The following SYNPO2L variants were observed in gnomAD, a reference collection of about 807,000 sequenced individuals.
The protein encoded by SYNPO2L is synaptopodin 2 like.
Under a neutral mutation model 47.5 loss-of-function variants are expected in SYNPO2L, and 34 were observed. The ratio of observed to expected loss-of-function variants is 0.72; its 90% confidence interval spans 0.54 to 0.95. SYNPO2L has a LOEUF of 0.95. SYNPO2L is among the 40% of genes least tolerant of loss of function. The pLI is 0.00. For synonymous variants in SYNPO2L, 536 were observed against 524.9 expected, an observed-to-expected ratio of 1.02 and a Z score of -0.29; for missense variants, 1,246 against 1,282.0, an observed-to-expected ratio of 0.97 and a Z score of 0.43.
In SYNPO2L at chr10:73,645,238, C is replaced by T; in HGVS notation, c.*1480G>A. 9.0e-7 allele frequency: 1 copy of T among 1,106,134 alleles called. No homozygotes were observed. Among genetic ancestry groups the T allele is most frequent in the South Asian group, 2.2e-5 (1 of 44,732 alleles). The allele number at this position is 1,106,134 out of a possible 1,614,324, so 68.5% of individuals were successfully genotyped here. ...ACTCAGCACACACCCTCACACCTCC[C>T]TTCCACCATCATTCCCTTCCATTCT... On this transcript the variant is annotated 3_prime_UTR_variant, in exon 4 of 4. Coordinates refer to ENST00000394810, the MANE Select transcript of SYNPO2L (RefSeq NM_001114133.3).
chr10:73,651,300 A>C (rs2132421835), intron 3 of SYNPO2L, among the ~76,000 whole-genome samples: 1 of 152,034 alleles, frequency 6.6e-6, no homozygotes, highest in East Asian at 1.9e-4. Context: ...AGGGAGGGGG[A>C]GATAAGTGGA....
chr10:73,652,396 T>C (rs1417214465), intron 3 of SYNPO2L, among the ~76,000 whole-genome samples: 3 of 151,776 alleles, frequency 2.0e-5, no homozygotes, highest in African/African-American at 4.8e-5. Context: ...CTGCCGGGCA[T>C]GGTGGCTCAC....
rs748090601 is a variant in SYNPO2L at position 73,653,389 on chromosome 10, C to T, written c.522G>A (p.Glu174=). Reference sequence around the variant, plus strand: ...CTGCAGGGCTGTCAGACAGGTAGACCTCATCAGGTGGGGCACCCGGAGGGG... The same window carrying T: ...CTGCAGGGCTGTCAGACAGGTAGACTTCATCAGGTGGGGCACCCGGAGGGG... ...RPTPPGAPPD[E]VYLSDSPAEP... is the part of the protein sequence containing the mutation. Residue 174 remains glutamate (E), a synonymous_variant, in exon 3 of 4, where the codon GAG becomes GAA. Transcript: ENST00000394810. 3.2e-6 allele frequency: 5 copies of T among 1,551,418 alleles called. No homozygotes were observed. Among genetic ancestry groups the T allele is most frequent in the African/African-American group, 2.7e-5 (2 of 73,044 alleles).
intron 3 of SYNPO2L, chr10:73,650,034 G>A (rs2081827146): frequency 4.1e-6 from 4 of 985,306 alleles, no homozygotes; most frequent in Non-Finnish European, 4.8e-6. Flanking sequence ...TGTGCTAAAG[G>A]GAACCAGGGC....
At position 73,647,897 on chromosome 10, in the gene SYNPO2L, A is replaced by G. The variant is rs1329508451; in HGVS notation, c.1755T>C (p.Ser585=). ...GGCGCGCAGAGGGTCGCAAAGGCGCAGATAGGAAGATAGAAGCGGTGGAGG... is the reference window on the plus strand; with the variant it reads ...GGCGCGCAGAGGGTCGCAAAGGCGCGGATAGGAAGATAGAAGCGGTGGAGG... ...AMTSTASIFL[S]APLRPSARPE... Residue 585 remains serine, a synonymous_variant, in exon 4 of 4, where the codon TCT becomes TCC. Coordinates refer to ENST00000394810, the MANE Select transcript of SYNPO2L (RefSeq NM_001114133.3). 6.5e-7 allele frequency: 1 copy of G among 1,529,046 alleles called. No individual in the cohort carries two copies. Among genetic ancestry groups the G allele is most frequent in the East Asian group, 2.3e-5 (1 of 44,160 alleles). 94.7% of individuals were successfully genotyped at this position (1,529,046 alleles called of 1,614,324 possible).
At position 73,647,429 on chromosome 10, in the gene SYNPO2L, C is replaced by G. The variant is rs1188675740; in HGVS notation, c.2223G>C (p.Gly741=). The change falls in exon 4 of 4, where the codon GGG becomes GGC. Residue 741 remains glycine (G), a synonymous_variant. Coordinates refer to ENST00000394810, the MANE Select transcript of SYNPO2L (RefSeq NM_001114133.3). ...CAGGGATTCCAGCCGAAGAGGCTGCCCCATTCACGAGCCCATCAAGGAGCC... is the reference window on the plus strand; with the variant it reads ...CAGGGATTCCAGCCGAAGAGGCTGCGCCATTCACGAGCCCATCAAGGAGCC... ...SRGLLDGLVN[G]AASSAGIPEP... is the part of the protein sequence containing the mutation. 6 of 1,610,630 alleles carry G rather than the reference C, an allele frequency of 3.7e-6. No individual in the cohort carries two copies. Among genetic ancestry groups the G allele is most frequent in the Non-Finnish European group, 5.1e-6 (6 of 1,177,498 alleles).
Position 73,655,862 on chromosome 10 carries a change from G to T in SYNPO2L, c.61C>A (p.Leu21Ile). ...TTCCTCTGCTCGGCCCCCCCATGAA[G>T]TCGGAAGCCCCAGGGGGCTCCCCCT... is the stretch of plus-strand genomic sequence containing the variant. ...LSGGAPWGFR[L>I]HGGAEQRKPL... The change falls in exon 1 of 4, where the codon CTT (leucine) becomes ATT (isoleucine). Residue 21 changes from leucine (L) to isoleucine (I), a missense_variant. This residue lies in a region of SYNPO2L where 61 missense variants were observed against 55.6 expected (regional missense o/e 1.10). Transcript: ENST00000394810. The T allele has an allele frequency of 2.6e-6, 4 of 1,551,160 alleles. No homozygotes were observed. The South Asian group carries it at 3.6e-5, about 14-fold the overall frequency.
At position 73,648,285 on chromosome 10, in the gene SYNPO2L, G is replaced by T; in HGVS notation, c.1367C>A (p.Ala456Asp). The T allele has an allele frequency of 1.2e-6, 2 of 1,602,180 alleles. No individual in the cohort carries two copies. Among genetic ancestry groups the T allele is most frequent in the Non-Finnish European group, 1.7e-6 (2 of 1,178,928 alleles). Reference protein sequence around the residue: ...SPRPFQPGGGAPTPAPSIFNR... With the variant: ...SPRPFQPGGGDPTPAPSIFNR... ...AAAGATGCTTGGAGCTGGGGTCGGG[G>T]CTCCACCACCTGGTTGGAAGGGTCT... The change falls in exon 4 of 4, where the codon GCC becomes GAC. Residue 456 changes from alanine (A) to aspartate (D), a missense_variant. Ala to Asp is a moderately radical substitution (Grantham distance 126). Coordinates refer to ENST00000394810, the MANE Select transcript of SYNPO2L (RefSeq NM_001114133.3).
At position 73,647,221 on chromosome 10, in the gene SYNPO2L, T is replaced by C; in HGVS notation, c.2431A>G (p.Ile811Val). Residue 811 changes from isoleucine (I) to valine (V), a missense_variant, in exon 4 of 4, where the codon ATT (isoleucine) becomes GTT (valine). Around this residue, in one of 3 missense-constraint regions of SYNPO2L, gnomAD observed 1,037 missense variants for 1,021.5 expected, o/e 1.02. Transcript: ENST00000394810. ...YSPNIRAPPP[I>V]AYNPLLSPFF... Reference sequence around the variant, plus strand: ...GGAGAGAGCAGTGGGTTGTAAGCAATAGGAGGCGGGGCACGGATGTTGGGT... The same window carrying C: ...GGAGAGAGCAGTGGGTTGTAAGCAACAGGAGGCGGGGCACGGATGTTGGGT... The C allele has an allele frequency of 6.2e-7, 1 of 1,613,072 alleles. No homozygotes were observed. Among genetic ancestry groups the C allele is most frequent in the South Asian group, 1.1e-5 (1 of 91,028 alleles).
Position 73,648,200 on chromosome 10 carries a change from C to A in SYNPO2L, c.1452G>T (p.Ser484=). The A allele has an allele frequency of 6.4e-7, 1 of 1,573,538 alleles. No individual in the cohort carries two copies. Among genetic ancestry groups the A allele is most frequent in the Middle Eastern group, 1.7e-4 (1 of 5,892 alleles). Residue 484 remains serine, a synonymous_variant, in exon 4 of 4, where the codon TCG becomes TCT. Transcript: ENST00000394810. The part of the protein sequence containing the change: ...GLQGQRPTTT[S]VIFRPLAPKR... ...TGGGGGCTAAAGGCCGGAAAATAAC[C>A]GAGGTGGTAGTTGGCCGCTGCCCTT...
At position 73,647,804 on chromosome 10, in the gene SYNPO2L, C is replaced by T. The variant is rs1160154444; in HGVS notation, c.1848G>A (p.Val616=). 7.5e-6 allele frequency: 12 copies of T among 1,607,422 alleles called. No individual in the cohort carries two copies. The highest frequency in any genetic ancestry group is 1.7e-4 in the Middle Eastern group (1 of 5,938). Residue 616 remains valine (V), a synonymous_variant, in exon 4 of 4, where the codon GTG becomes GTA. Transcript: ENST00000394810. ...GCAGGATACCCGTGCGGGCAGCTGGCACAGAGATGCGCTGCTCGCGAGCGC... is the reference window on the plus strand; with the variant it reads ...GCAGGATACCCGTGCGGGCAGCTGGTACAGAGATGCGCTGCTCGCGAGCGC... ...PPSAREQRIS[V]PAARTGILQE...
chr10:73,650,529 C>T (rs1286812378), intron 3 of SYNPO2L: 2 of 311,768 alleles, frequency 6.4e-6, no homozygotes, highest in Non-Finnish European at 9.3e-6. Context: ...TAGCACTTAA[C>T]ACAGTGTGAA....
chr10:73,650,646 A>G (rs891703349), intron 3 of SYNPO2L: 9 of 967,544 alleles, frequency 9.3e-6, no homozygotes, highest in African/African-American at 1.8e-5. Context: ...TCACACATAC[A>G]TGCCTTCATG....
chr10:73,649,970 T>G (rs1382255904), intron 3 of SYNPO2L: 1 of 985,326 alleles, frequency 1.0e-6, no homozygotes. Flanking sequence ...GGGTCAGAAC[T>G]GTCTCTACGT....
In SYNPO2L at chr10:73,646,929, G is replaced by T. The variant is rs2081759776; in HGVS notation, c.2723C>A (p.Ala908Asp). The T allele has an allele frequency of 1.9e-6, 3 of 1,592,818 alleles. No individual in the cohort carries two copies. Among genetic ancestry groups the T allele is most frequent in the South Asian group, 1.1e-5 (1 of 87,610 alleles). The change falls in exon 4 of 4, where the codon GCC becomes GAC. Residue 908 changes from alanine (A) to aspartate (D), a missense_variant. Transcript: ENST00000394810. The part of the protein sequence containing the change: ...TAEPLAPTVL[A>D]PRAATTLDEP... ...ATCCAGTGTAGTGGCTGCTCGGGGG[G>T]CAAGCACAGTGGGAGCCAGGGGTTC...
At chr10:73,649,759 G>A (rs1200284639) in intron 3 of SYNPO2L, 3 of 985,150 alleles carry the variant, frequency 3.0e-6, no homozygotes, top group Non-Finnish European at 3.6e-6. Context: ...AGTTGATCTC[G>A]GCCTTCCAAC....
chr10:73,651,699 C>T (rs1033186330), intron 3 of SYNPO2L, among the ~76,000 whole-genome samples: 2 of 152,170 alleles, frequency 1.3e-5, no homozygotes, highest in Admixed American at 1.3e-4. Flanking sequence ...GCCACTTCCT[C>T]GGGATCTCAT....
chr10:73,653,334 T>TGGGA lies in SYNPO2L; in HGVS notation c.573_576dup (p.Gly195ProfsTer3). The TGGGA allele has an allele frequency of 6.4e-7, 1 of 1,551,568 alleles. No individual in the cohort carries two copies. The highest frequency in any genetic ancestry group is 8.7e-7 in the Non-Finnish European group (1 of 1,146,964). On this transcript the variant is annotated frameshift_variant, in exon 3 of 4. Transcript: ENST00000394810. LOFTEE classifies it high-confidence loss of function. ...GAGCTCACACGGCTGTCACCCTGGCTGGGAGGGCCAGGGATAGTAGGTGCT... is the reference window on the plus strand; with the variant it reads ...GAGCTCACACGGCTGTCACCCTGGCTGGGAGGGAGGGCCAGGGATAGTAGGTGCT...
rs2081738114 is a variant in SYNPO2L at position 73,645,565 on chromosome 10, A to G, written c.*1153T>C. 4 of 986,344 alleles carry G rather than the reference A, an allele frequency of 4.1e-6. No homozygotes were observed. Among genetic ancestry groups the G allele is most frequent in the African/African-American group, 1.8e-5 (1 of 57,080 alleles). The allele number at this position is 986,344 out of a possible 1,614,324, so 61.1% of individuals were successfully genotyped here. ...CTGGGTTGCTCAGCACTGGCCTCTCAAGTTGCTAACTTTTTGAAATCCTGA... is the reference window on the plus strand; with the variant it reads ...CTGGGTTGCTCAGCACTGGCCTCTCGAGTTGCTAACTTTTTGAAATCCTGA... On this transcript the variant is annotated 3_prime_UTR_variant, in exon 4 of 4. Transcript: ENST00000394810.
Sources: gnomAD v4.1 joint callset for allele counts (sites outside exome capture counted in the v4.1 genomes callset) on GRCh38, gnomAD v4.1.1 for gene constraint, gnomAD v4.1.1 regional missense constraint, MANE v1.5 for transcripts, NCBI Gene and HGNC (gene_info 2026-07-23, HGNC 2026-07-21) for gene names.